ARHGAP39: variants seen among roughly 807,000 people sequenced by gnomAD.
ARHGAP39 encodes rho GTPase-activating protein 39.
In ARHGAP39, 44 loss-of-function variants were observed where a neutral mutation model predicts 106.9. The observed-to-expected ratio is 0.41, with a 90% CI of 0.32 to 0.53. The LOEUF (loss-of-function observed/expected upper bound fraction) is 0.53, where lower values mean the gene tolerates loss of function less well. Ranked by LOEUF, ARHGAP39 falls within the 20% of genes least tolerant of loss-of-function variation. The probability of loss-of-function intolerance (pLI) is 0.21; values close to 1 mark genes in which losing one functional copy is unlikely to be tolerated. For missense variants in ARHGAP39, 1,496 were observed against 1,577.3 expected, an observed-to-expected ratio of 0.95 and a Z score of 0.87; for synonymous variants, 768 against 693.2, an observed-to-expected ratio of 1.11 and a Z score of -1.69.
At chr8:144,662,859 T>G (rs1821868119) in intron 1 of ARHGAP39, among the ~76,000 whole-genome samples, 1 of 127,440 alleles carries the variant, frequency 7.8e-6, no homozygotes, top group Non-Finnish European at 1.6e-5. Context: ...CTCCCCATTA[T>G]CCACCTTGAA....
intron 1 of ARHGAP39, among the ~76,000 whole-genome samples, chr8:144,633,039 G>A (rs900379611): frequency 6.6e-6 from 1 of 152,210 alleles, no homozygotes; most frequent in Non-Finnish European, 1.5e-5. Context: ...CTTCCTGGGA[G>A]GCTGAGGCAG....
chr8:144,562,758 T>C (rs898457091), intron 3 of ARHGAP39, among the ~76,000 whole-genome samples: 6 of 146,552 alleles, frequency 4.1e-5, no homozygotes, highest in Non-Finnish European at 8.8e-5. Context: ...GTGGTTTCCA[T>C]TGGACTCCAG....
Position 144,603,078 on chromosome 8 carries a change from TGGA to T in ARHGAP39, c.80+2454_80+2456del, listed in dbSNP as rs554833179. On this transcript the variant is annotated intron_variant, in intron 2 of 11. Coordinates refer to ENST00000377307, the MANE Select transcript of ARHGAP39 (RefSeq NM_025251.3). ...GAGCTCGTGTACCTGTGTGCGTGCG[TGGA>T]GGTGTGTGCGCGAGCTCATGTATCT... 1.2e-4 allele frequency among the ~76,000 whole-genome samples: 16 copies of T among 129,604 alleles called. No homozygotes were observed. In the South Asian group the frequency reaches 2.5e-3, roughly 20 times the overall value. 85.0% of individuals were successfully genotyped at this position (129,604 alleles called of 152,430 possible). A position where few individuals can be genotyped will look rare whatever the true frequency, so the allele number is the denominator to read the frequency against.
chr8:144,553,990 C>T (rs1001175687), intron 4 of ARHGAP39, among the ~76,000 whole-genome samples: 21 of 152,220 alleles, frequency 1.4e-4, no homozygotes, highest in Non-Finnish European at 2.4e-4. Flanking sequence ...GGCCCTGTGT[C>T]GGGGGGCCTG....
chr8:144,622,830 C>A (rs1413894012), intron 1 of ARHGAP39, among the ~76,000 whole-genome samples: 1 of 152,266 alleles, frequency 6.6e-6, no homozygotes, highest in Non-Finnish European at 1.5e-5. Context: ...AGCTGGCCTG[C>A]GCCCGCTCCT....
At chr8:144,698,928 T>A in the ARHGAP39 span, 1 of 453,496 alleles carries the variant, frequency 2.2e-6, no homozygotes, top group Non-Finnish European at 4.4e-6. Flanking sequence ...AAACATGGAG[T>A]GTTCACACCA....
chr8:144,540,531 T>C (rs920697233), intron 6 of ARHGAP39, among the ~76,000 whole-genome samples: 6 of 152,246 alleles, frequency 3.9e-5, no homozygotes, highest in African/African-American at 1.4e-4. Flanking sequence ...CCAGGCTTGG[T>C]GGCTTACATC....
chr8:144,684,095 G>A lies in ARHGAP39; in HGVS notation c.-82+1591C>T, dbSNP rs944193345. ...ACAGAAGAGTCGCGACTCAGAGGCGGGCAGCCTGGCTCCAGAACCCGCCCT... is the reference window on the plus strand; with the variant it reads ...ACAGAAGAGTCGCGACTCAGAGGCGAGCAGCCTGGCTCCAGAACCCGCCCT... On this transcript the variant is annotated intron_variant, in intron 1 of 11. Coordinates refer to ENST00000377307, the MANE Select transcript of ARHGAP39 (RefSeq NM_025251.3). This position sits in a 1 kb window ranked among gnomAD's most constrained non-coding sequence, Gnocchi z 4.4. Among the ~76,000 whole-genome samples, 9 of 152,176 alleles carry A rather than the reference G, an allele frequency of 5.9e-5. No individual in the cohort carries two copies. The highest frequency in any genetic ancestry group is 5.2e-4 in the Admixed American group (8 of 15,280).
intron 3 of ARHGAP39, among the ~76,000 whole-genome samples, chr8:144,559,154 G>C (rs1372149264): frequency 1.3e-5 from 2 of 151,996 alleles, no homozygotes; most frequent in Non-Finnish European, 2.9e-5. Flanking sequence ...CTTACAGTGA[G>C]CCAAGATTGC....
intron 1 of ARHGAP39, among the ~76,000 whole-genome samples, chr8:144,635,683 G>A (rs1221486728): frequency 6.6e-6 from 1 of 152,160 alleles, no homozygotes; most frequent in African/African-American, 2.4e-5. Context: ...CTTACCCGGT[G>A]GGATCTGAGT....
chr8:144,542,775 C>G lies in ARHGAP39; in HGVS notation c.2521+2474G>C, dbSNP rs560868679. The stretch of plus-strand genomic sequence containing the variant: ...CCAACGTGGTGAAACCCCGTCTCTA[C>G]TAAAAATACAAAAACTAGCTGGGTA... On this transcript the variant is annotated intron_variant, in intron 6 of 11. Coordinates refer to ENST00000377307, the MANE Select transcript of ARHGAP39 (RefSeq NM_025251.3). Among the ~76,000 whole-genome samples, 10 of 152,036 alleles carry G rather than the reference C, an allele frequency of 6.6e-5. No homozygotes were observed. In the East Asian group the frequency reaches 9.9e-4, roughly 15 times the overall value.
chr8:144,571,284 C>A (rs372762874), intron 3 of ARHGAP39, among the ~76,000 whole-genome samples: 1 of 152,184 alleles, frequency 6.6e-6, no homozygotes, highest in Admixed American at 6.5e-5. Flanking sequence ...TTATCCACCA[C>A]GATCAAGTCA....
intron 3 of ARHGAP39, among the ~76,000 whole-genome samples, chr8:144,578,353 C>T (rs971224002): frequency 2.6e-5 from 4 of 152,202 alleles, no homozygotes; most frequent in South Asian, 2.1e-4. Flanking sequence ...CTCAGCCACC[C>T]GAGTAGCTGG....
Position 144,530,211 on chromosome 8 carries a change from G to T in ARHGAP39, c.*211C>A. The T allele has an allele frequency of 1.7e-6, 1 of 583,104 alleles. No homozygotes were observed. Among genetic ancestry groups the T allele is most frequent in the Non-Finnish European group, 3.0e-6 (1 of 336,192 alleles). 36.1% of individuals were successfully genotyped at this position (583,104 alleles called of 1,614,324 possible). On this transcript the variant is annotated 3_prime_UTR_variant, in exon 12 of 12. Coordinates refer to ENST00000377307, the MANE Select transcript of ARHGAP39 (RefSeq NM_025251.3). Reference sequence around the variant, plus strand: ...GCGGGAACTGGCCGTGAGGTGGGGGGCCAGAGGCGCCCTCCCCGCCGCTGC... The same window carrying T: ...GCGGGAACTGGCCGTGAGGTGGGGGTCCAGAGGCGCCCTCCCCGCCGCTGC...
At chr8:144,655,391 G>A (rs1821669524) in intron 1 of ARHGAP39, among the ~76,000 whole-genome samples, 1 of 152,126 alleles carries the variant, frequency 6.6e-6, no homozygotes. Context: ...TCAGAGACCT[G>A]CAGAGACACC....
chr8:144,666,924 G>T (rs1202849311), intron 1 of ARHGAP39, among the ~76,000 whole-genome samples: 3 of 152,154 alleles, frequency 2.0e-5, no homozygotes, highest in Admixed American at 2.0e-4. Context: ...TGTGGGAAAT[G>T]TCCAAGCCCC....
intron 3 of ARHGAP39, among the ~76,000 whole-genome samples, chr8:144,579,662 C>T (rs59806653): frequency 3.9e-5 from 6 of 152,132 alleles, no homozygotes; most frequent in South Asian, 2.1e-4. Flanking sequence ...CACCTCGGCA[C>T]GGTGGGACGG....
the ARHGAP39 span, among the ~76,000 whole-genome samples, chr8:144,697,047 G>T: frequency 2.0e-5 from 3 of 151,974 alleles, no homozygotes; most frequent in South Asian, 6.2e-4. Context: ...GATCCTGGTC[G>T]GGCGCGGTGG....
At chr8:144,549,533 G>A (rs565867113) in intron 4 of ARHGAP39, among the ~76,000 whole-genome samples, 4 of 152,106 alleles carry the variant, frequency 2.6e-5, no homozygotes, top group South Asian at 2.1e-4. Context: ...TTGCTCTGTC[G>A]CCAGGCTGGA....
Sources: allele counts gnomAD v4.1 joint callset (sites outside exome capture counted in the v4.1 genomes callset), GRCh38; gene constraint gnomAD v4.1.1; non-coding constraint Gnocchi (gnomAD v3.1); transcripts MANE v1.5; gene names NCBI Gene and HGNC (gene_info 2026-07-23, HGNC 2026-07-21).